ARL14EP: variants seen among roughly 807,000 people sequenced by gnomAD.
ARL14EP encodes the protein ARL14 effector protein.
ARL14EP carries 12 observed loss-of-function variants against 23.1 expected under a neutral mutation model. The observed-to-expected ratio is 0.52, with a 90% CI of 0.33 to 0.84. The LOEUF (loss-of-function observed/expected upper bound fraction) is 0.84, where lower values mean the gene tolerates loss of function less well. ARL14EP is among the 40% of genes least tolerant of loss of function. The pLI is 0.02. For synonymous variants in ARL14EP, 97 were observed against 102.0 expected (o/e 0.95, Z 0.29); for missense variants, 253 against 307.3 (o/e 0.82, Z 1.32).
chr11:30,333,997 C>G (rs1022845667), intron 3 of ARL14EP, among the ~76,000 whole-genome samples: 1 of 152,090 alleles, frequency 6.6e-6, no homozygotes, highest in Non-Finnish European at 1.5e-5. Flanking sequence ...AAGCAAAAGC[C>G]TAATCCAAAG....
intron 1 of ARL14EP, among the ~76,000 whole-genome samples, chr11:30,327,680 C>T (rs1947247279): frequency 6.6e-6 from 1 of 151,678 alleles, no homozygotes; most frequent in Non-Finnish European, 1.5e-5. Flanking sequence ...AAGGTCAGGC[C>T]AGGCACGGTG....
rs186300943 is a variant in ARL14EP, at chr11:30,327,433, A to G, written c.-63-3453A>G. On this transcript the variant is annotated intron_variant, in intron 1 of 3. Coordinates refer to ENST00000282032, the MANE Select transcript of ARL14EP (RefSeq NM_152316.3). ...ATTACTATGGACAGATAAGGTTTCTAAAGTAATTAGTTTCCTAAATCCAAG... is the reference window on the plus strand; with the variant it reads ...ATTACTATGGACAGATAAGGTTTCTGAAGTAATTAGTTTCCTAAATCCAAG... Among the ~76,000 whole-genome samples, 480 of 152,338 alleles carry G rather than the reference A, an allele frequency of 3.2e-3. 2 individuals carry two copies. The highest frequency in any genetic ancestry group is 4.1e-3 in the Non-Finnish European group (278 of 68,028).
chr11:30,336,668 G>A lies in ARL14EP; in HGVS notation c.656G>A (p.Cys219Tyr), dbSNP rs548562608. The A allele has an allele frequency of 6.2e-7, 1 of 1,614,154 alleles. No individual in the cohort carries two copies. Among genetic ancestry groups the A allele is most frequent in the East Asian group, 2.2e-5 (1 of 44,876 alleles). Residue 219 changes from cysteine to tyrosine, a missense_variant, in exon 4 of 4, where the codon TGT becomes TAT. Transcript: ENST00000282032. ...CDCLDEDCLG[C>Y]FYACPACGST... ...TGCCTGGATGAAGACTGCTTAGGAT[G>A]TTTCTATGCTTGTCCTGCCTGTGGT...
At position 30,331,229 on chromosome 11, in the gene ARL14EP, A is replaced by C; in HGVS notation, c.281A>C (p.Asp94Ala). Reference sequence around the variant, plus strand: ...GCCAAAAAAAATTTGCATGTAATTGACTTAGATGATGCCACTTTTCTGAGT... The same window carrying C: ...GCCAAAAAAAATTTGCATGTAATTGCCTTAGATGATGCCACTTTTCTGAGT... Reference protein sequence around the residue: ...KLAKKNLHVIDLDDATFLSAK... With the variant: ...KLAKKNLHVIALDDATFLSAK... The change falls in exon 2 of 4, where the codon GAC (aspartate) becomes GCC (alanine). Residue 94 changes from aspartate (D) to alanine (A), a missense_variant. Physicochemically the swap from Asp to Ala is moderately radical, Grantham distance 126 (BLOSUM62 -2). Transcript: ENST00000282032. 1 of 1,613,990 alleles carries C rather than the reference A, an allele frequency of 6.2e-7. No homozygotes were observed. The highest frequency in any genetic ancestry group is 8.5e-7 in the Non-Finnish European group (1 of 1,179,898).
At chr11:30,336,384 CT>C (rs1277966950) in intron 3 of ARL14EP, among the ~76,000 whole-genome samples, 182 bp from the exon 4 acceptor site, 2 of 152,102 alleles carry the variant, frequency 1.3e-5, no homozygotes, top group African/African-American at 4.8e-5. Flanking sequence ...TAGGTCTCCT[CT>C]TCTCACATGG....
chr11:30,331,028 G>T lies in ARL14EP; in HGVS notation c.80G>T (p.Gly27Val), dbSNP rs1947278302. The change falls in exon 2 of 4, where the codon GGT becomes GTT. Residue 27 changes from glycine to valine, a missense_variant. By Grantham distance (109) the Gly-to-Val change is moderately radical (BLOSUM62 -3). Transcript: ENST00000282032. ...AAAACCTACTATACTCGTCACACAG[G>T]TTTTAAGACTTTGCAAGAATTGTCA... ...CHKTYYTRHTGFKTLQELSSN... is the reference protein window; with the variant it reads ...CHKTYYTRHTVFKTLQELSSN... 6.2e-7 allele frequency: 1 copy of T among 1,613,866 alleles called. No individual in the cohort carries two copies. The highest frequency in any genetic ancestry group is 8.5e-7 in the Non-Finnish European group (1 of 1,179,808).
rs192747439 is a variant in ARL14EP, at chr11:30,331,858, G to A, written c.426+484G>A. 16 of 957,786 alleles carry A rather than the reference G, an allele frequency of 1.7e-5. No homozygotes were observed. The Admixed American group carries it at 2.4e-4, about 15-fold the overall frequency. The allele number at this position is 957,786 out of a possible 1,614,324, so 59.3% of individuals were successfully genotyped here. A position where few individuals can be genotyped will look rare whatever the true frequency, so the allele number is the denominator to read the frequency against. On this transcript the variant is annotated intron_variant, in intron 2 of 3. Transcript: ENST00000282032. ...TTTTTTTCTCCTTTGACACTGTCTC[G>A]TTCTTGAGTTTTTTAAATGCTTGTG... is the stretch of plus-strand genomic sequence containing the variant.
chr11:30,332,898 A>G lies in ARL14EP; in HGVS notation c.459A>G (p.Gln153=), dbSNP rs752680347. Residue 153 remains glutamine, a synonymous_variant, in exon 3 of 4, where the codon CAA becomes CAG. Transcript: ENST00000282032. The stretch of plus-strand genomic sequence containing the variant: ...CTGCTAAAGCTTTGAGGTCATTACA[A>G]TTTACGAATCCAGGAAGGCAAACTG... The part of the protein sequence containing the change: ...GRTAKALRSL[Q]FTNPGRQTEF... 1.9e-6 allele frequency: 3 copies of G among 1,613,530 alleles called. No homozygotes were observed. Among genetic ancestry groups the G allele is most frequent in the Non-Finnish European group, 2.5e-6 (3 of 1,179,666 alleles).
At chr11:30,325,470 G>C (rs554123554) in intron 1 of ARL14EP, among the ~76,000 whole-genome samples, 1 of 152,234 alleles carries the variant, frequency 6.6e-6, no homozygotes, top group South Asian at 2.1e-4. Context: ...CCAGCACAGG[G>C]CTCAAGCAAA....
intron 1 of ARL14EP, chr11:30,328,166 TGA>T (rs1947255418): frequency 6.6e-6 from 1 of 151,582 alleles, no homozygotes; most frequent in African/African-American, 2.4e-5. Flanking sequence ...TTTTTTGAGA[TGA>T]GAGTCTCGCT....
intron 1 of ARL14EP, among the ~76,000 whole-genome samples, chr11:30,325,618 AT>A (rs1341242284): frequency 3.3e-5 from 5 of 151,998 alleles, no homozygotes; most frequent in African/African-American, 9.7e-5. Context: ...AAGAAGCTGG[AT>A]TTTTTTTCTT....
At chr11:30,333,192 A>G (rs538139502) in intron 3 of ARL14EP, among the ~76,000 whole-genome samples, 199 bp downstream of exon 3, 309 of 152,338 alleles carry the variant, frequency 2.0e-3, no homozygotes, top group Non-Finnish European at 3.8e-3. Context: ...TTTGTTTCTA[A>G]GAAGGTAGCA....
At chr11:30,332,516 G>A (rs1247223842) in intron 2 of ARL14EP, among the ~76,000 whole-genome samples, 1 of 152,138 alleles carries the variant, frequency 6.6e-6, no homozygotes, top group Non-Finnish European at 1.5e-5. Flanking sequence ...ACCCAGGATT[G>A]TTAGGAAATC....
chr11:30,330,819 A>C, intron 1 of ARL14EP, 67 bp from the exon 2 acceptor site: 1 of 854,338 alleles, frequency 1.2e-6, no homozygotes, highest in South Asian at 1.6e-5. Flanking sequence ...GAATTTTATC[A>C]AATGCTTTTT....
At chr11:30,329,742 A>G (rs1037698319) in intron 1 of ARL14EP, 1 of 152,014 alleles carries the variant, frequency 6.6e-6, no homozygotes, top group African/African-American at 2.4e-5. Flanking sequence ...GCCTGACTAT[A>G]TTTGTTTAGT....
At position 30,332,898 on chromosome 11, in the gene ARL14EP, A is replaced by C. The variant is rs752680347; in HGVS notation, c.459A>C (p.Gln153His). 1 of 1,613,650 alleles carries C rather than the reference A, an allele frequency of 6.2e-7. No homozygotes were observed. Among genetic ancestry groups the C allele is most frequent in the Non-Finnish European group, 8.5e-7 (1 of 1,179,658 alleles). ...GRTAKALRSLQFTNPGRQTEF... is the reference protein window; with the variant it reads ...GRTAKALRSLHFTNPGRQTEF... ...CTGCTAAAGCTTTGAGGTCATTACA[A>C]TTTACGAATCCAGGAAGGCAAACTG... is the stretch of plus-strand genomic sequence containing the variant. Residue 153 changes from glutamine to histidine, a missense_variant, in exon 3 of 4, where the codon CAA becomes CAC. By Grantham distance (24) the Gln-to-His change is conservative. Transcript: ENST00000282032.
intron 1 of ARL14EP, chr11:30,329,366 T>A (rs1354760847): frequency 6.6e-6 from 1 of 152,166 alleles, no homozygotes; most frequent in African/African-American, 2.4e-5. Flanking sequence ...TTAGGTTATT[T>A]GTCATCTTTC....
At chr11:30,330,701 C>T (rs1435678976) in intron 1 of ARL14EP, 185 bp from the exon 2 acceptor site, 5 of 435,456 alleles carry the variant, frequency 1.1e-5, no homozygotes, top group East Asian at 4.3e-5. Flanking sequence ...CAGATGTTTT[C>T]GTGAAGTTCT....
At position 30,331,113 on chromosome 11, in the gene ARL14EP, A is replaced by C. The variant is rs1231419915; in HGVS notation, c.165A>C (p.Thr55=). ...RTGMTLSGNN[T]ICFHHVKIYI... ...GAATGACACTTTCTGGGAACAATAC[A>C]ATTTGCTTTCATCATGTAAAAATTT... Residue 55 remains threonine, a synonymous_variant, in exon 2 of 4, where the codon ACA becomes ACC. Coordinates refer to ENST00000282032, the MANE Select transcript of ARL14EP (RefSeq NM_152316.3). The C allele has an allele frequency of 1.9e-6, 3 of 1,613,858 alleles. No individual in the cohort carries two copies. Among genetic ancestry groups the C allele is most frequent in the African/African-American group, 2.7e-5 (2 of 74,936 alleles).
Sources: allele counts gnomAD v4.1 joint callset (sites outside exome capture counted in the v4.1 genomes callset), GRCh38; gene constraint gnomAD v4.1.1; transcripts MANE v1.5; gene names NCBI Gene and HGNC (gene_info 2026-07-23, HGNC 2026-07-21).